FBXL2: variants seen among roughly 807,000 people sequenced by gnomAD.
The protein encoded by FBXL2 is F-box/LRR-repeat protein 2.
Under a neutral mutation model 69.2 loss-of-function variants are expected in FBXL2, and 38 were observed. That is an observed-to-expected ratio of 0.55 (90% CI 0.42 to 0.72). The LOEUF (loss-of-function observed/expected upper bound fraction) is 0.72, where lower values mean the gene tolerates loss of function less well. FBXL2 is among the 30% of genes least tolerant of loss of function. FBXL2 has a pLI of 0.00. For synonymous variants in FBXL2, 192 were observed against 201.3 expected, an observed-to-expected ratio of 0.95 and a Z score of 0.39; for missense variants, 354 against 520.3, an observed-to-expected ratio of 0.68 and a Z score of 3.11.
At chr3:33,345,297 G>A (rs977535080) in intron 2 of FBXL2, among the ~76,000 whole-genome samples, 13 of 152,112 alleles carry the variant, frequency 8.5e-5, no homozygotes, top group African/African-American at 1.9e-4. Flanking sequence ...ACTTAATTAC[G>A]TTTGCACAAC....
At chr3:33,368,546 A>T (rs2042094318) in intron 5 of FBXL2, among the ~76,000 whole-genome samples, 1 of 151,952 alleles carries the variant, frequency 6.6e-6, no homozygotes, top group Non-Finnish European at 1.5e-5. Flanking sequence ...ATTTTATTTT[A>T]ATCTATTTGT....
chr3:33,306,340 C>T (rs1426835505), intron 2 of FBXL2, among the ~76,000 whole-genome samples: 1 of 152,076 alleles, frequency 6.6e-6, no homozygotes, highest in Non-Finnish European at 1.5e-5. Flanking sequence ...GTAGACACCA[C>T]GTAAGTCAAT....
chr3:33,336,507 C>T (rs2039589283), intron 2 of FBXL2, among the ~76,000 whole-genome samples: 1 of 152,134 alleles, frequency 6.6e-6, no homozygotes, highest in Non-Finnish European at 1.5e-5. Context: ...ACAAGAATAT[C>T]TTTATAATCT....
At chr3:33,307,997 A>C (rs527427512) in intron 2 of FBXL2, among the ~76,000 whole-genome samples, 1 of 152,088 alleles carries the variant, frequency 6.6e-6, no homozygotes, top group Admixed American at 6.6e-5. Context: ...GTCCATTTAC[A>C]TGATCTTAGT....
In FBXL2 at chr3:33,314,669, G is replaced by A. The variant is rs943151436; in HGVS notation, c.65+16944G>A. Among the ~76,000 whole-genome samples the A allele has an allele frequency of 8.6e-5, 13 of 151,926 alleles. No homozygotes were observed. In the East Asian group the frequency reaches 1.2e-3, roughly 14 times the overall value. On this transcript the variant is annotated intron_variant, in intron 2 of 14. Transcript: ENST00000484457. ...CATGTATCAGTCATTTGGATAATAT[G>A]GTTCACTAAGTTATGCAAATATTCC...
intron 1 of FBXL2, among the ~76,000 whole-genome samples, chr3:33,281,977 T>G (rs908965817): frequency 4.6e-5 from 7 of 152,306 alleles, no homozygotes; most frequent in Admixed American, 2.0e-4. Flanking sequence ...TTGCAAAAAT[T>G]TTCTCCCATT....
At chr3:33,330,276 A>G (rs2039045268) in intron 2 of FBXL2, among the ~76,000 whole-genome samples, 1 of 143,452 alleles carries the variant, frequency 7.0e-6, no homozygotes, top group African/African-American at 2.8e-5. Context: ...GGAGCAAGAC[A>G]TTGTCCAAAA....
intron 2 of FBXL2, among the ~76,000 whole-genome samples, chr3:33,300,739 C>T (rs1188424957): frequency 4.8e-5 from 7 of 147,034 alleles, no homozygotes; most frequent in African/African-American, 1.5e-4. Context: ...GACGGAGTCT[C>T]GCTCTGTTGC....
At chr3:33,295,505 T>G (rs1480106473) in intron 1 of FBXL2, among the ~76,000 whole-genome samples, 2 of 152,244 alleles carry the variant, frequency 1.3e-5, no homozygotes, top group East Asian at 3.8e-4. Flanking sequence ...ATTTTGTAAT[T>G]GTTTCCACTA....
chr3:33,364,795 C>A, intron 5 of FBXL2, 76 bp downstream of exon 5: 7 of 1,189,888 alleles, frequency 5.9e-6, no homozygotes, highest in Non-Finnish European at 8.8e-6. Flanking sequence ...AAGCCTATTA[C>A]ATGCTCTTCT....
At chr3:33,368,797 A>G (rs1208902633) in intron 5 of FBXL2, among the ~76,000 whole-genome samples, 2 of 152,036 alleles carry the variant, frequency 1.3e-5, no homozygotes, top group Non-Finnish European at 2.9e-5. Flanking sequence ...CATGTTAGCT[A>G]GGATGGTCTT....
At chr3:33,302,966 GAT>G (rs2036412387) in intron 2 of FBXL2, 1 of 371,164 alleles carries the variant, frequency 2.7e-6, no homozygotes, top group Admixed American at 3.0e-5. Flanking sequence ...GAATCATTAA[GAT>G]ATAGCCCAGT....
At chr3:33,319,074 G>A (rs1373955588) in intron 2 of FBXL2, among the ~76,000 whole-genome samples, 1 of 152,092 alleles carries the variant, frequency 6.6e-6, no homozygotes, top group African/African-American at 2.4e-5. Context: ...TTTCCTTTAG[G>A]TGTTTTAAGA....
the FBXL2 span, among the ~76,000 whole-genome samples, chr3:33,412,986 G>A: frequency 6.6e-6 from 1 of 152,062 alleles, no homozygotes; most frequent in Non-Finnish European, 1.5e-5. Context: ...TTGGATACCT[G>A]GATTACGGTA....
chr3:33,378,655 G>C (rs761908919), intron 12 of FBXL2, 30 bp from the exon 13 acceptor site: 43 of 1,603,288 alleles, frequency 2.7e-5, no homozygotes, highest in Non-Finnish European at 3.6e-5. Flanking sequence ...TGGTGTAGAA[G>C]CCACACTGAC....
At chr3:33,355,994 G>A (rs1033291752) in intron 2 of FBXL2, among the ~76,000 whole-genome samples, 2 of 152,192 alleles carry the variant, frequency 1.3e-5, no homozygotes, top group East Asian at 3.9e-4. Flanking sequence ...GGGAGAGATG[G>A]GAAATAATGT....
At chr3:33,413,562 A>C in the FBXL2 span, among the ~76,000 whole-genome samples, 68 of 151,874 alleles carry the variant, frequency 4.5e-4, no homozygotes, top group African/African-American at 1.5e-3. Flanking sequence ...AAAAAAAAAA[A>C]AAACTTTGAG....
chr3:33,357,494 C>T (rs1448564567), intron 2 of FBXL2, among the ~76,000 whole-genome samples: 1 of 150,690 alleles, frequency 6.6e-6, no homozygotes, highest in Non-Finnish European at 1.5e-5. Context: ...CATATTTTAG[C>T]CACCAGCATT....
At chr3:33,320,412 C>G (rs963604931) in intron 2 of FBXL2, among the ~76,000 whole-genome samples, 2 of 151,326 alleles carry the variant, frequency 1.3e-5, no homozygotes, top group African/African-American at 4.8e-5. Flanking sequence ...TAAAAACTTG[C>G]ATGTGAAAGG....
Sources: gnomAD v4.1 joint callset for allele counts (sites outside exome capture counted in the v4.1 genomes callset) on GRCh38, gnomAD v4.1.1 for gene constraint, MANE v1.5 for transcripts, NCBI Gene and HGNC (gene_info 2026-07-23, HGNC 2026-07-21) for gene names.